PDSS2: variants seen among roughly 807,000 people sequenced by gnomAD.
PDSS2 encodes the protein decaprenyl diphosphate synthase subunit 2.
Under a neutral mutation model 44.5 loss-of-function variants are expected in PDSS2, and 31 were observed. The ratio of observed to expected loss-of-function variants is 0.70; its 90% confidence interval spans 0.52 to 0.94. PDSS2 has a LOEUF of 0.94. Among genes scored for constraint, PDSS2 ranks in the 40% least tolerant of loss-of-function variants. The probability of loss-of-function intolerance (pLI) is 0.00; values close to 1 mark genes in which losing one functional copy is unlikely to be tolerated. For missense variants in PDSS2, 452 were observed against 482.2 expected (o/e 0.94, Z 0.59); for synonymous variants, 157 against 180.3 (o/e 0.87, Z 1.03).
intron 4 of PDSS2, among the ~76,000 whole-genome samples, chr6:107,233,661 A>C (rs1774127128): frequency 6.6e-6 from 1 of 151,466 alleles, no homozygotes; most frequent in South Asian, 2.1e-4. Context: ...AAATTAAAAA[A>C]AATTAGGCAG....
At chr6:107,334,554 G>C (rs113493963) in intron 1 of PDSS2, among the ~76,000 whole-genome samples, 1 of 127,626 alleles carries the variant, frequency 7.8e-6, no homozygotes, top group African/African-American at 2.9e-5. Flanking sequence ...TGTTGTTGTT[G>C]TTTTTGAGAC....
chr6:107,300,733 T>C (rs1465245082), intron 2 of PDSS2, among the ~76,000 whole-genome samples: 1 of 152,098 alleles, frequency 6.6e-6, no homozygotes, highest in Non-Finnish European at 1.5e-5. Context: ...CTCTATCAAA[T>C]CTTGCAATTG....
At chr6:107,169,904 C>G (rs1771501618) in intron 7 of PDSS2, among the ~76,000 whole-genome samples, 1 of 152,146 alleles carries the variant, frequency 6.6e-6, no homozygotes, top group Non-Finnish European at 1.5e-5. Context: ...GGATGCCTCC[C>G]AGTTAGGCTA....
intron 4 of PDSS2, among the ~76,000 whole-genome samples, chr6:107,230,717 C>T (rs867662898): frequency 1.8e-4 from 28 of 151,776 alleles, no homozygotes; most frequent in African/African-American, 6.8e-4. Context: ...CCAAGAGAGC[C>T]TCTTACTGGT....
chr6:107,201,043 A>C (rs957697542), intron 6 of PDSS2, among the ~76,000 whole-genome samples: 1 of 152,118 alleles, frequency 6.6e-6, no homozygotes. Flanking sequence ...TCTATATTTC[A>C]ACAGCCAGCA....
At chr6:107,402,954 T>C (rs891804338) in intron 1 of PDSS2, among the ~76,000 whole-genome samples, 11 of 152,170 alleles carry the variant, frequency 7.2e-5, no homozygotes, top group Non-Finnish European at 1.0e-4. Flanking sequence ...CCAAATCTCA[T>C]GTCCTCATAT....
chr6:107,223,938 G>A (rs1052479023), intron 4 of PDSS2, among the ~76,000 whole-genome samples: 1 of 151,146 alleles, frequency 6.6e-6, no homozygotes, highest in South Asian at 2.1e-4. Context: ...GTGGGTGAGC[G>A]AGCATTACTG....
chr6:107,331,460 T>G (rs1052653083), intron 2 of PDSS2, among the ~76,000 whole-genome samples: 5 of 152,188 alleles, frequency 3.3e-5, no homozygotes, highest in African/African-American at 9.7e-5. Context: ...GTACCCCTAC[T>G]CTTTTCCAAA....
Position 107,293,293 on chromosome 6 carries a change from C to T in PDSS2, c.432-19066G>A, listed in dbSNP as rs9486578. ...ACCTGCCTCTCTGACCCCCATCTAC[C>T]GAAGCAAAACGACTGTCCTATTTCT... On this transcript the variant is annotated intron_variant, in intron 2 of 7. Coordinates refer to ENST00000369037, the MANE Select transcript of PDSS2 (RefSeq NM_020381.4). Among the ~76,000 whole-genome samples, 740 of 152,204 alleles carry T rather than the reference C, an allele frequency of 4.9e-3. 7 individuals carry two copies. Among genetic ancestry groups the T allele is most frequent in the African/African-American group, 0.015 (639 of 41,504 alleles).
chr6:107,282,764 G>A (rs893977236), intron 2 of PDSS2, among the ~76,000 whole-genome samples: 3 of 151,134 alleles, frequency 2.0e-5, no homozygotes, highest in Non-Finnish European at 4.4e-5. Flanking sequence ...AGCTACTCAG[G>A]AGGCTGAGGC....
intron 1 of PDSS2, among the ~76,000 whole-genome samples, chr6:107,364,235 G>C (rs999257298): frequency 6.6e-6 from 1 of 152,336 alleles, no homozygotes; most frequent in South Asian, 2.1e-4. Flanking sequence ...GTCCTGCGCC[G>C]TGCGCTCGCA....
intron 7 of PDSS2, among the ~76,000 whole-genome samples, chr6:107,175,967 C>T (rs898306164): frequency 6.6e-6 from 1 of 152,104 alleles, no homozygotes; most frequent in African/African-American, 2.4e-5. Flanking sequence ...GCACTCACTG[C>T]AGTAGTGGTA....
At chr6:107,429,940 A>C (rs1781140831) in intron 1 of PDSS2, among the ~76,000 whole-genome samples, 1 of 131,124 alleles carries the variant, frequency 7.6e-6, no homozygotes, top group African/African-American at 2.7e-5. Flanking sequence ...ATATATATAC[A>C]CCAAACCCAG....
intron 2 of PDSS2, among the ~76,000 whole-genome samples, chr6:107,318,693 C>T (rs1002063055): frequency 6.6e-6 from 1 of 152,038 alleles, no homozygotes; most frequent in Non-Finnish European, 1.5e-5. Context: ...TTTAAATATA[C>T]TCAGTTCATC....
At chr6:107,271,067 C>T (rs1775582974) in intron 3 of PDSS2, among the ~76,000 whole-genome samples, 3 of 152,176 alleles carry the variant, frequency 2.0e-5, no homozygotes, top group African/African-American at 7.2e-5. Context: ...AGTTATGTTG[C>T]AGAGTCGTAT....
In PDSS2 at chr6:107,251,943, A is replaced by G. The variant is rs187301254; in HGVS notation, c.631-6324T>C. ...AGAGTGGCACCCTCCCATAGAGACCAATAATAATGTCTAACATTTGTAAAG... is the reference window on the plus strand; with the variant it reads ...AGAGTGGCACCCTCCCATAGAGACCGATAATAATGTCTAACATTTGTAAAG... On this transcript the variant is annotated intron_variant, in intron 3 of 7. Coordinates refer to ENST00000369037, the MANE Select transcript of PDSS2 (RefSeq NM_020381.4). 6.6e-5 allele frequency among the ~76,000 whole-genome samples: 10 copies of G among 152,336 alleles called. No individual in the cohort carries two copies. In the East Asian group the frequency reaches 1.9e-3, roughly 29 times the overall value.
At chr6:107,347,725 T>A (rs1778298494) in intron 1 of PDSS2, among the ~76,000 whole-genome samples, 2 of 152,178 alleles carry the variant, frequency 1.3e-5, no homozygotes, top group South Asian at 4.1e-4. Context: ...ACATTATATG[T>A]TTTTATTTCC....
At chr6:107,429,937 T>TATATATAC (rs1316596170) in intron 1 of PDSS2, among the ~76,000 whole-genome samples, 3 of 99,650 alleles carry the variant, frequency 3.0e-5, no homozygotes, top group African/African-American at 1.1e-4. Context: ...TATATATATA[T>TATATATAC]ACACCAAACC....
Position 107,242,409 on chromosome 6 carries a change from G to A in PDSS2, c.702+3139C>T, listed in dbSNP as rs1457729309. Among the ~76,000 whole-genome samples the A allele has an allele frequency of 2.0e-5, 3 of 151,658 alleles. No individual in the cohort carries two copies. The East Asian group carries it at 5.8e-4, about 29-fold the overall frequency. ...CTCCTGAGTAGCTGGGACCACAGGC[G>A]CCCGCCACTGTGCCCGCCTAATTTT... On this transcript the variant is annotated intron_variant, in intron 4 of 7. Transcript: ENST00000369037.
Sources: gnomAD v4.1 joint callset for allele counts (sites outside exome capture counted in the v4.1 genomes callset) on GRCh38, gnomAD v4.1.1 for gene constraint, MANE v1.5 for transcripts, NCBI Gene and HGNC (gene_info 2026-07-23, HGNC 2026-07-21) for gene names.